Variants in CTSO observed in about 807,000 individuals in gnomAD.
CTSO encodes cathepsin O.
CTSO carries 40 observed loss-of-function variants against 42.4 expected under a neutral mutation model. The ratio of observed to expected loss-of-function variants is 0.94; its 90% CI spans 0.73 to 1.23. CTSO has a LOEUF of 1.23. CTSO is among the 50% of genes most tolerant of loss of function. The pLI, the probability that CTSO is intolerant of heterozygous loss-of-function variation, is 0.00. For missense variants in CTSO, 441 were observed against 396.0 expected (o/e 1.11, Z -0.96); for synonymous variants, 156 against 146.2 (o/e 1.07, Z -0.48).
intron 5 of CTSO, among the ~76,000 whole-genome samples, chr4:155,932,208 T>C (rs1743247487): frequency 1.3e-5 from 2 of 152,156 alleles, no homozygotes; most frequent in African/African-American, 4.8e-5. Flanking sequence ...ATGATTTTTT[T>C]CCCTTCTTAG....
chr4:155,942,222 G>A, intron 3 of CTSO, 95 bp downstream of exon 3: 1 of 1,032,612 alleles, frequency 9.7e-7, no homozygotes, highest in Non-Finnish European at 1.3e-6. Flanking sequence ...TTTTCCTAGA[G>A]AAATGATGTT....
intron 2 of CTSO, 91 bp from the exon 3 acceptor site, chr4:155,942,547 C>A: frequency 1.9e-6 from 1 of 529,344 alleles, no homozygotes; most frequent in African/African-American, 2.1e-5. Flanking sequence ...TATATAAAGA[C>A]AATCAATATT....
chr4:155,937,248 A>G (rs1743345439), intron 5 of CTSO, 114 bp downstream of exon 5: 2 of 673,746 alleles, frequency 3.0e-6, no homozygotes, highest in Admixed American at 3.2e-5. Flanking sequence ...AGTAAAAAGT[A>G]TGTTTTACAA....
In CTSO at chr4:155,942,334, C is replaced by G. The variant is rs781494652; in HGVS notation, c.367G>C (p.Val123Leu). ...CAACGTACCATCTGCTGGTTTCTCA[C>G]TTGTGTCACAACCTGCTTGTCCCTC... ...DWRDKQVVTQ[V>L]RNQQMCGGCW... The change falls in exon 3 of 8, where the codon GTG (valine) becomes CTG (leucine). Residue 123 changes from valine (V) to leucine (L), a missense_variant. Coordinates refer to ENST00000433477, the MANE Select transcript of CTSO (RefSeq NM_001334.3). 2.5e-6 allele frequency: 4 copies of G among 1,575,484 alleles called. No homozygotes were observed. The highest frequency in any genetic ancestry group is 3.4e-6 in the Non-Finnish European group (4 of 1,162,810).
intron 1 of CTSO, among the ~76,000 whole-genome samples, chr4:155,951,919 T>C (rs1743682323): frequency 6.6e-6 from 1 of 152,124 alleles, no homozygotes; most frequent in African/African-American, 2.4e-5. Context: ...CTCCCGTCCA[T>C]GGAAAAAATG....
chr4:155,943,959 C>T (rs1743486181), intron 1 of CTSO, among the ~76,000 whole-genome samples: 1 of 152,190 alleles, frequency 6.6e-6, no homozygotes, highest in Non-Finnish European at 1.5e-5. Flanking sequence ...TTTCGTAATA[C>T]TAACCAATTA....
At chr4:155,934,476 G>T (rs1010030446) in intron 5 of CTSO, among the ~76,000 whole-genome samples, 1 of 152,184 alleles carries the variant, frequency 6.6e-6, no homozygotes, top group Non-Finnish European at 1.5e-5. Context: ...CAGAATGGTA[G>T]ATCCACTGAC....
chr4:155,926,195 C>T, intron 7 of CTSO, 125 bp from the exon 8 acceptor site: 1 of 631,528 alleles, frequency 1.6e-6, no homozygotes, highest in East Asian at 3.0e-5. Flanking sequence ...TAATGCTTAT[C>T]ACAGCTTGTC....
intron 4 of CTSO, 130 bp from the exon 5 acceptor site, chr4:155,937,613 T>C: frequency 3.4e-6 from 3 of 881,662 alleles, no homozygotes; most frequent in Non-Finnish European, 5.3e-6. Flanking sequence ...TGCGTTCTTT[T>C]TTTTTTCTTT....
At chr4:155,935,314 C>T (rs186691370) in intron 5 of CTSO, among the ~76,000 whole-genome samples, 15 of 152,236 alleles carry the variant, frequency 9.9e-5, no homozygotes, top group Non-Finnish European at 1.6e-4. Context: ...TTATCAGCAG[C>T]ACGAAAGCAG....
At chr4:155,949,257 G>A (rs1036754179) in intron 1 of CTSO, among the ~76,000 whole-genome samples, 2 of 152,146 alleles carry the variant, frequency 1.3e-5, no homozygotes, top group Non-Finnish European at 2.9e-5. Flanking sequence ...ACTAGTATTT[G>A]GTGGAGGGGT....
At chr4:155,943,097 A>G in intron 2 of CTSO, 59 bp downstream of exon 2, 2 of 990,060 alleles carry the variant, frequency 2.0e-6, no homozygotes, top group South Asian at 3.0e-5. Flanking sequence ...ATATTTATCA[A>G]AAGTTAAGCA....
At position 155,953,708 on chromosome 4, in the gene CTSO, G is replaced by T. The variant is rs1579352503; in HGVS notation, c.135+5C>A. On this transcript the variant is annotated splice_donor_5th_base_variant and intron_variant, in intron 1 of 7. Coordinates refer to ENST00000433477, the MANE Select transcript of CTSO (RefSeq NM_001334.3). ...ACAGATCCCGGGGAGGCGCGCGCTCGGTACCCGGAAGGCGGCGGCTTCACG... is the reference window on the plus strand; with the variant it reads ...ACAGATCCCGGGGAGGCGCGCGCTCTGTACCCGGAAGGCGGCGGCTTCACG... 3.2e-6 allele frequency: 4 copies of T among 1,263,464 alleles called. No homozygotes were observed. The highest frequency in any genetic ancestry group is 1.5e-5 in the African/African-American group (1 of 64,674). 78.3% of individuals were successfully genotyped at this position (1,263,464 alleles called of 1,614,324 possible). A position where few individuals can be genotyped will look rare whatever the true frequency, so the allele number is the denominator to read the frequency against.
intron 3 of CTSO, among the ~76,000 whole-genome samples, chr4:155,940,076 A>G (rs553101060): frequency 6.6e-6 from 1 of 152,350 alleles, no homozygotes; most frequent in Admixed American, 6.5e-5. Context: ...TCTTTAGGCT[A>G]TAAAGATGCC....
Position 155,925,709 on chromosome 4 carries a change from A to G in CTSO, c.*327T>C, listed in dbSNP as rs2110898420. 1 of 300,240 alleles carries G rather than the reference A, an allele frequency of 3.3e-6. No homozygotes were observed. Among genetic ancestry groups the G allele is most frequent in the Admixed American group, 5.3e-5 (1 of 19,008 alleles). 18.6% of individuals were successfully genotyped at this position (300,240 alleles called of 1,614,324 possible). A position where few individuals can be genotyped will look rare whatever the true frequency, so the allele number is the denominator to read the frequency against. ...AATATCTCACAATAAACAAACAAAT[A>G]AATAATAAGCAAACAAAAACAAACA... On this transcript the variant is annotated 3_prime_UTR_variant, in exon 8 of 8. Coordinates refer to ENST00000433477, the MANE Select transcript of CTSO (RefSeq NM_001334.3).
intron 5 of CTSO, 28 bp from the exon 6 acceptor site, chr4:155,929,733 A>G (rs2110905519): frequency 6.3e-7 from 1 of 1,586,370 alleles, no homozygotes; most frequent in East Asian, 2.2e-5. Context: ...ATTTGGTTAG[A>G]AAATTTAGTT....
intron 5 of CTSO, among the ~76,000 whole-genome samples, chr4:155,930,240 T>C (rs1298440709): frequency 6.6e-6 from 1 of 152,170 alleles, no homozygotes; most frequent in Admixed American, 6.6e-5. Flanking sequence ...TACCTTGCCA[T>C]CTCTGCCACA....
intron 1 of CTSO, among the ~76,000 whole-genome samples, chr4:155,946,899 C>T (rs1579348755): frequency 6.6e-6 from 1 of 152,306 alleles, no homozygotes; most frequent in Admixed American, 6.5e-5. Context: ...GCTCTGTCGC[C>T]CAGGCGAGTG....
chr4:155,928,307 GA>G (rs1560783649), intron 7 of CTSO, 28 bp downstream of exon 7: 2 of 1,439,932 alleles, frequency 1.4e-6, no homozygotes, highest in African/African-American at 2.8e-5. Context: ...TATTTATATT[GA>G]GGTTTTAAAC....
Sources: allele counts gnomAD v4.1 joint callset (sites outside exome capture counted in the v4.1 genomes callset), GRCh38; gene constraint gnomAD v4.1.1; transcripts MANE v1.5; gene names NCBI Gene and HGNC (gene_info 2026-07-23, HGNC 2026-07-21).